The following CALN1 variants were observed in gnomAD, a reference collection of about 807,000 sequenced individuals.
CALN1 encodes the protein calneuron 1, also known as calcium-binding protein 8.
CALN1 carries 17 observed loss-of-function variants against 30.6 expected under a neutral mutation model. The observed-to-expected ratio is 0.56, with a 90% CI of 0.38 to 0.83. CALN1 has a LOEUF of 0.83. CALN1 is among the 40% of genes least tolerant of loss of function. The pLI is 0.00. For missense variants in CALN1, 291 were observed against 354.9 expected, an observed-to-expected ratio of 0.82 and a Z score of 1.45; for synonymous variants, 156 against 131.4, an observed-to-expected ratio of 1.19 and a Z score of -1.28.
rs1252770260 is a variant in CALN1 at position 71,894,722 on chromosome 7, CG to C, written c.502-84231del. Among the ~76,000 whole-genome samples, 7 of 152,136 alleles carry C rather than the reference CG, an allele frequency of 4.6e-5. No homozygotes were observed. In the East Asian group the frequency reaches 1.3e-3, roughly 29 times the overall value. On this transcript the variant is annotated intron_variant, in intron 5 of 6. Coordinates refer to ENST00000395275, the MANE Select transcript of CALN1 (RefSeq NM_031468.4). The stretch of plus-strand genomic sequence containing the variant: ...ATCTGAAGGAAATAAAAGAAAAACC[CG>C]TAGTGTTATTTATTTTGCTTTCTGA...
chr7:71,991,078 G>T (rs549157953), intron 5 of CALN1, among the ~76,000 whole-genome samples: 9 of 151,930 alleles, frequency 5.9e-5, no homozygotes, highest in African/African-American at 1.2e-4. Flanking sequence ...TGAAGGAAGA[G>T]AACAGAAGTA....
At chr7:72,210,881 T>A (rs901835929) in intron 3 of CALN1, among the ~76,000 whole-genome samples, 1 of 150,876 alleles carries the variant, frequency 6.6e-6, no homozygotes, top group African/African-American at 2.4e-5. Context: ...TGAGCCCCGG[T>A]CTCCAGAAAA....
At chr7:72,121,252 ATATC>A (rs1437031092) in intron 3 of CALN1, among the ~76,000 whole-genome samples, 3 of 139,266 alleles carry the variant, frequency 2.2e-5, no homozygotes, top group Non-Finnish European at 3.1e-5. Context: ...ATTATAATAC[ATATC>A]TATTATATAT....
At chr7:72,336,732 G>A (rs903765322) in intron 2 of CALN1, 39 of 985,202 alleles carry the variant, frequency 4.0e-5, no homozygotes, top group Non-Finnish European at 4.3e-5. Flanking sequence ...TCCGCAGCCC[G>A]GCAGCCGAGG....
chr7:72,338,525 G>GTGTGTGTGTCTGTCTGTCTTTC, intron 2 of CALN1, among the ~76,000 whole-genome samples: 8 of 122,378 alleles, frequency 6.5e-5, no homozygotes, highest in African/African-American at 2.2e-4. Flanking sequence ...GTGTGTGTGT[G>GTGTGTGTGTCTGTCTGTCTTTC]TGTCTCACCT....
intron 2 of CALN1, among the ~76,000 whole-genome samples, chr7:72,317,058 G>GACACAGAA (rs1300965318): frequency 1.1e-4 from 15 of 131,072 alleles, no homozygotes; most frequent in Non-Finnish European, 2.0e-4. Context: ...GAGAAAGAGA[G>GACACAGAA]AGAGAGAAAG....
At chr7:72,405,545 G>A (rs1806638903) in intron 1 of CALN1, among the ~76,000 whole-genome samples, 1 of 152,096 alleles carries the variant, frequency 6.6e-6, no homozygotes, top group African/African-American at 2.4e-5. Context: ...TCTGTCCCCA[G>A]CAGCACACAC....
intron 5 of CALN1, among the ~76,000 whole-genome samples, chr7:72,008,400 A>G (rs1017215901): frequency 6.6e-6 from 1 of 151,948 alleles, no homozygotes; most frequent in African/African-American, 2.4e-5. Context: ...AAGAAAATTT[A>G]TATCTAAATT....
At chr7:72,173,055 G>T (rs933569759) in intron 3 of CALN1, among the ~76,000 whole-genome samples, 2 of 151,568 alleles carry the variant, frequency 1.3e-5, no homozygotes, top group Non-Finnish European at 2.9e-5. Flanking sequence ...TGTTTGTATA[G>T]AAATGTACAA....
At chr7:72,361,809 CTGTT>C (rs547987678) in intron 2 of CALN1, among the ~76,000 whole-genome samples, 142 of 152,262 alleles carry the variant, frequency 9.3e-4, no homozygotes, top group African/African-American at 3.3e-3. Context: ...CAAATAGAAA[CTGTT>C]TGATTTCAAG....
intron 5 of CALN1, among the ~76,000 whole-genome samples, chr7:71,975,891 TGG>T (rs1435570193): frequency 6.6e-6 from 1 of 150,388 alleles, no homozygotes; most frequent in Non-Finnish European, 1.5e-5. Context: ...TAGGTTAGGT[TGG>T]TGCCAAAGTA....
At chr7:71,932,184 A>C (rs1795589806) in intron 5 of CALN1, among the ~76,000 whole-genome samples, 1 of 151,912 alleles carries the variant, frequency 6.6e-6, no homozygotes, top group Admixed American at 6.6e-5. Flanking sequence ...ACCCCTAATA[A>C]ATGTTTTATT....
intron 5 of CALN1, among the ~76,000 whole-genome samples, chr7:71,880,268 G>A (rs373816295): frequency 4.9e-4 from 74 of 152,288 alleles, no homozygotes; most frequent in African/African-American, 1.7e-3. Flanking sequence ...ACTTGACACA[G>A]TGCTAATTCT....
intron 2 of CALN1, among the ~76,000 whole-genome samples, chr7:72,398,269 T>C (rs539876512): frequency 2.6e-5 from 4 of 152,218 alleles, no homozygotes; most frequent in South Asian, 2.1e-4. Context: ...GTCTTGTTTA[T>C]GTGTAGACTT....
intron 2 of CALN1, among the ~76,000 whole-genome samples, chr7:72,334,528 C>G (rs914369583): frequency 1.3e-5 from 2 of 152,122 alleles, no homozygotes; most frequent in African/African-American, 4.8e-5. Context: ...CTGTACCCCC[C>G]CTCCCCTTAC....
rs537515954 is a variant in CALN1, at chr7:71,933,440, T to C, written c.501+90217A>G. 2.0e-5 allele frequency among the ~76,000 whole-genome samples: 3 copies of C among 152,236 alleles called. No homozygotes were observed. In the East Asian group the frequency reaches 5.8e-4, roughly 30 times the overall value. The stretch of plus-strand genomic sequence containing the variant: ...CACTAGAGAGGGAGCTGTTCTCCTT[T>C]CTCTTTCTTTTGCCTATTAAACCTC... On this transcript the variant is annotated intron_variant, in intron 5 of 6. Transcript: ENST00000395275.
intron 5 of CALN1, among the ~76,000 whole-genome samples, chr7:71,947,408 GT>G (rs1322069992): frequency 6.6e-6 from 1 of 152,134 alleles, no homozygotes; most frequent in Non-Finnish European, 1.5e-5. Context: ...GCATCTTTCA[GT>G]TTGAGTTAAA....
rs146808715 is a variant in CALN1 at position 72,028,398 on chromosome 7, C to A, written c.389-4629G>T. 1.5e-4 allele frequency among the ~76,000 whole-genome samples: 23 copies of A among 152,298 alleles called. No homozygotes were observed. The East Asian group carries it at 4.1e-3, about 27-fold the overall frequency. Reference sequence around the variant, plus strand: ...CCAGGCAGTGCTCACAGATGGTGCACTTGGCTGGGAACTACAGACCAAAAG... The same window carrying A: ...CCAGGCAGTGCTCACAGATGGTGCAATTGGCTGGGAACTACAGACCAAAAG... On this transcript the variant is annotated intron_variant, in intron 4 of 6. Transcript: ENST00000395275.
chr7:72,423,942 GAA>G (rs1183994845), intron 1 of CALN1, among the ~76,000 whole-genome samples: 1 of 104,070 alleles, frequency 9.6e-6, no homozygotes, highest in Admixed American at 1.4e-4. Flanking sequence ...AGAAGAGAAA[GAA>G]AGAAAGAAGG....
Sources: gnomAD v4.1 joint callset for allele counts (sites outside exome capture counted in the v4.1 genomes callset) on GRCh38, gnomAD v4.1.1 for gene constraint, MANE v1.5 for transcripts, NCBI Gene and HGNC (gene_info 2026-07-23, HGNC 2026-07-21) for gene names.